NHEJ1: variants seen among roughly 807,000 people sequenced by gnomAD.
NHEJ1 encodes non-homologous end-joining factor 1.
In NHEJ1, 22 loss-of-function variants were observed where a neutral mutation model predicts 39.4. The observed-to-expected ratio is 0.56, with a 90% CI of 0.40 to 0.80. The LOEUF (loss-of-function observed/expected upper bound fraction) is 0.80. Ranked by LOEUF, NHEJ1 falls within the 30% of genes least tolerant of loss-of-function variation. The pLI is 0.00. For missense variants in NHEJ1, 329 were observed against 357.1 expected (o/e 0.92, Z 0.63); for synonymous variants, 154 against 135.6 (o/e 1.14, Z -0.94).
At chr2:219,087,490 A>G (rs1949122165) in intron 5 of NHEJ1, among the ~76,000 whole-genome samples, 1 of 152,060 alleles carries the variant, frequency 6.6e-6, no homozygotes, top group Non-Finnish European at 1.5e-5. Flanking sequence ...TCCACCACCA[A>G]AAGGATTCTC....
intron 5 of NHEJ1, among the ~76,000 whole-genome samples, chr2:219,129,549 C>T (rs1350271397): frequency 6.6e-6 from 1 of 152,124 alleles, no homozygotes; most frequent in African/African-American, 2.4e-5. Flanking sequence ...CCTGACGGTC[C>T]AAGAGCCCAA....
chr2:219,153,707 A>C (rs62191799), intron 3 of NHEJ1, among the ~76,000 whole-genome samples: 1 of 47,258 alleles, frequency 2.1e-5, no homozygotes, highest in Non-Finnish European at 5.6e-5. Context: ...GGGGGGGTGG[A>C]GAGAGAGAGA....
At chr2:219,153,622 T>C (rs774400749) in intron 3 of NHEJ1, among the ~76,000 whole-genome samples, 1 of 141,068 alleles carries the variant, frequency 7.1e-6, no homozygotes, top group Non-Finnish European at 1.5e-5. Flanking sequence ...AGAGGATCAC[T>C]TGAGCTGAGG....
rs59082547 is a variant in NHEJ1, at chr2:219,071,748, C to T, written c.*4633G>A. On this transcript the variant is annotated 3_prime_UTR_variant, in exon 8 of 8. Transcript: ENST00000356853. ...TCAATGGCTGTGTGCTCCCCACACC[C>T]TGGAGCTCTTCCAGTGCTTCTTCCG... Among the ~76,000 whole-genome samples the T allele has an allele frequency of 3.0e-3, 458 of 152,300 alleles. 3 individuals carry two copies. Among genetic ancestry groups the T allele is most frequent in the African/African-American group, 9.9e-3 (410 of 41,566 alleles).
intron 5 of NHEJ1, among the ~76,000 whole-genome samples, chr2:219,141,569 T>C (rs1949692575): frequency 6.6e-6 from 1 of 152,136 alleles, no homozygotes; most frequent in South Asian, 2.1e-4. Flanking sequence ...TGGATGATGG[T>C]ATAATTCCCC....
intron 5 of NHEJ1, among the ~76,000 whole-genome samples, chr2:219,138,774 G>A (rs1312762270): frequency 1.3e-5 from 2 of 152,196 alleles, no homozygotes; most frequent in Admixed American, 6.5e-5. Flanking sequence ...GTGCAGGGGG[G>A]ACAAATGGAG....
intron 5 of NHEJ1, among the ~76,000 whole-genome samples, chr2:219,127,440 C>T (rs568455985): frequency 6.6e-6 from 1 of 152,292 alleles, no homozygotes; most frequent in African/African-American, 2.4e-5. Flanking sequence ...GTCCTATTGA[C>T]CTGGGATATT....
At chr2:219,154,710 C>T (rs1949833147) in intron 3 of NHEJ1, among the ~76,000 whole-genome samples, 1 of 151,800 alleles carries the variant, frequency 6.6e-6, no homozygotes. Context: ...CACAATTGTT[C>T]ATGAATTGCT....
intron 5 of NHEJ1, among the ~76,000 whole-genome samples, chr2:219,106,358 A>G (rs1036201924): frequency 1.3e-5 from 2 of 152,212 alleles, no homozygotes; most frequent in African/African-American, 4.8e-5. Flanking sequence ...AGTTAGACAG[A>G]TGGCCTAAGT....
chr2:219,094,078 A>G (rs1949184740), intron 5 of NHEJ1, among the ~76,000 whole-genome samples: 1 of 152,236 alleles, frequency 6.6e-6, no homozygotes, highest in African/African-American at 2.4e-5. Flanking sequence ...CAGAAGGTCA[A>G]CTGCTAGGCT....
chr2:219,085,400 CT>C (rs1327361394), intron 5 of NHEJ1, among the ~76,000 whole-genome samples: 1 of 152,152 alleles, frequency 6.6e-6, no homozygotes, highest in African/African-American at 2.4e-5. Flanking sequence ...GATCAGAAAC[CT>C]TGGTGATCTG....
At chr2:219,105,317 T>C (rs1295706017) in intron 5 of NHEJ1, among the ~76,000 whole-genome samples, 2 of 152,176 alleles carry the variant, frequency 1.3e-5, no homozygotes, top group African/African-American at 4.8e-5. Flanking sequence ...TCTAGAAAGA[T>C]GTAGGTGGCA....
rs189534172 is a variant in NHEJ1 at position 219,145,376 on chromosome 2, C to G, written c.588+1304G>C. On this transcript the variant is annotated intron_variant, in intron 5 of 7. Transcript: ENST00000356853. Reference sequence around the variant, plus strand: ...ACATTTTTTGCTTTTAGTGTTTAGACCCCAAGCATTGTAGCTCAGTCAATG... The same window carrying G: ...ACATTTTTTGCTTTTAGTGTTTAGAGCCCAAGCATTGTAGCTCAGTCAATG... 1.7e-3 allele frequency among the ~76,000 whole-genome samples: 255 copies of G among 152,290 alleles called. 2 individuals carry two copies. Among genetic ancestry groups the G allele is most frequent in the African/African-American group, 5.9e-3 (246 of 41,550 alleles).
At chr2:219,146,493 C>G (rs1574741253) in intron 5 of NHEJ1, among the ~76,000 whole-genome samples, 187 bp downstream of exon 5, 1 of 152,164 alleles carries the variant, frequency 6.6e-6, no homozygotes, top group Non-Finnish European at 1.5e-5. Context: ...TACGTTCTTT[C>G]CCCGTTTTTT....
rs202193108 is a variant in NHEJ1 at position 219,104,701 on chromosome 2, A to AC, written c.589-26496dup. ...ACTTCGCAGTAATCTTCCAAAAGGC[A>AC]CCCCCCCACACACACAAAAAAGAAG... On this transcript the variant is annotated intron_variant, in intron 5 of 7. Coordinates refer to ENST00000356853, the MANE Select transcript of NHEJ1 (RefSeq NM_024782.3). Among the ~76,000 whole-genome samples the AC allele has an allele frequency of 6.3e-3, 944 of 149,568 alleles. 12 individuals carry two copies. Among genetic ancestry groups the AC allele is most frequent in the Non-Finnish European group, 7.3e-3 (490 of 67,200 alleles).
intron 1 of NHEJ1, chr2:219,158,787 A>G (rs146532734): frequency 2.4e-5 from 5 of 210,968 alleles, no homozygotes; most frequent in East Asian, 2.2e-4. Context: ...TTCTTGTCTT[A>G]TAAAACATCA....
chr2:219,159,857 T>C (rs1369645615), intron 1 of NHEJ1, among the ~76,000 whole-genome samples: 1 of 152,022 alleles, frequency 6.6e-6, no homozygotes, highest in African/African-American at 2.4e-5. Context: ...TTGGGTTTAC[T>C]ATTCTAGCCC....
chr2:219,080,912 G>C (rs1949061286), intron 5 of NHEJ1, among the ~76,000 whole-genome samples: 1 of 151,962 alleles, frequency 6.6e-6, no homozygotes, highest in South Asian at 2.1e-4. Context: ...GGTGGCACAG[G>C]GTTAGAGGCC....
At position 219,096,233 on chromosome 2, in the gene NHEJ1, A is replaced by C. The variant is rs1403168395; in HGVS notation, c.589-18027T>G. The stretch of plus-strand genomic sequence containing the variant: ...TAATCCCTCAGGAGAAGAATACTTG[A>C]GGACACAGGAGAAAAAGAGTTGGCA... On this transcript the variant is annotated intron_variant, in intron 5 of 7. Coordinates refer to ENST00000356853, the MANE Select transcript of NHEJ1 (RefSeq NM_024782.3). Among the ~76,000 whole-genome samples the C allele has an allele frequency of 2.0e-5, 3 of 152,230 alleles. No individual in the cohort carries two copies. The East Asian group carries it at 5.8e-4, about 29-fold the overall frequency.
Sources: gnomAD v4.1 joint callset for allele counts (sites outside exome capture counted in the v4.1 genomes callset) on GRCh38, gnomAD v4.1.1 for gene constraint, MANE v1.5 for transcripts, NCBI Gene and HGNC (gene_info 2026-07-23, HGNC 2026-07-21) for gene names.